TMTC1: variants seen among roughly 807,000 people sequenced by gnomAD.
TMTC1 encodes the protein protein O-mannosyl-transferase TMTC1.
TMTC1 carries 73 observed loss-of-function variants against 104.8 expected under a neutral mutation model. The observed-to-expected ratio is 0.70, with a 90% CI of 0.58 to 0.85. The LOEUF (loss-of-function observed/expected upper bound fraction) is 0.85. TMTC1 is among the 40% of genes least tolerant of loss of function. The pLI is 0.00. For missense variants in TMTC1, 1,035 were observed against 1,096.1 expected (o/e 0.94, Z 0.79); for synonymous variants, 434 against 428.7 (o/e 1.01, Z -0.15).
intron 11 of TMTC1, among the ~76,000 whole-genome samples, chr12:29,528,448 T>G (rs1043661428): frequency 1.3e-5 from 2 of 152,136 alleles, no homozygotes; most frequent in African/African-American, 4.8e-5. Flanking sequence ...CTCCAAGACT[T>G]AAAGCATTTT....
At position 29,742,290 on chromosome 12, in the gene TMTC1, T is replaced by C. The variant is rs186656840; in HGVS notation, c.938+9376A>G. ...TATTTATTTATTTTTCCAAATTATA[T>C]ATATTAATTGCCTTCAGCTCTTAAA... On this transcript the variant is annotated intron_variant, in intron 5 of 17. Coordinates refer to ENST00000539277, the MANE Select transcript of TMTC1 (RefSeq NM_001193451.2). Among the ~76,000 whole-genome samples the C allele has an allele frequency of 8.5e-5, 13 of 152,286 alleles. No individual in the cohort carries two copies. In the East Asian group the frequency reaches 2.5e-3, roughly 29 times the overall value.
Position 29,502,239 on chromosome 12 carries a change from A to T in TMTC1, c.*4607T>A, listed in dbSNP as rs1447965696. 1.3e-5 allele frequency: 2 copies of T among 152,146 alleles called. No individual in the cohort carries two copies. The highest frequency in any genetic ancestry group is 4.8e-5 in the African/African-American group (2 of 41,438). 9.4% of individuals were successfully genotyped at this position (152,146 alleles called of 1,614,324 possible). On this transcript the variant is annotated 3_prime_UTR_variant, in exon 18 of 18. Coordinates refer to ENST00000539277, the MANE Select transcript of TMTC1 (RefSeq NM_001193451.2). Reference sequence around the variant, plus strand: ...TTGGAAACCAGGAACAAAAATTTTTAAAAAATCACCTCTCACTATATTTGT... The same window carrying T: ...TTGGAAACCAGGAACAAAAATTTTTTAAAAATCACCTCTCACTATATTTGT...
intron 5 of TMTC1, among the ~76,000 whole-genome samples, chr12:29,721,020 T>A (rs1457550454): frequency 6.6e-6 from 1 of 152,066 alleles, no homozygotes; most frequent in Non-Finnish European, 1.5e-5. Context: ...AAAAAATAAC[T>A]GTCAAATCAG....
At chr12:29,626,957 C>A (rs1938027948) in intron 6 of TMTC1, among the ~76,000 whole-genome samples, 1 of 152,000 alleles carries the variant, frequency 6.6e-6, no homozygotes, top group Non-Finnish European at 1.5e-5. Flanking sequence ...AAAAAATTAG[C>A]TGGGCGTGGT....
chr12:29,607,071 T>A (rs1243712970), intron 6 of TMTC1, among the ~76,000 whole-genome samples: 1 of 152,078 alleles, frequency 6.6e-6, no homozygotes, highest in Non-Finnish European at 1.5e-5. Context: ...CAAGGAGCGA[T>A]CAGCCTCCCC....
chr12:29,658,197 T>G (rs981300412), intron 5 of TMTC1, among the ~76,000 whole-genome samples: 3 of 152,116 alleles, frequency 2.0e-5, no homozygotes, highest in Non-Finnish European at 4.4e-5. Flanking sequence ...AGATCAAGAT[T>G]TAAAATTTAT....
chr12:29,661,053 C>T (rs1939998369), intron 5 of TMTC1, among the ~76,000 whole-genome samples: 2 of 152,088 alleles, frequency 1.3e-5, no homozygotes, highest in South Asian at 4.1e-4. Context: ...TCTGCTGCTG[C>T]TGAGAGCCCA....
At chr12:29,665,632 G>C (rs1426046960) in intron 5 of TMTC1, among the ~76,000 whole-genome samples, 1 of 152,150 alleles carries the variant, frequency 6.6e-6, no homozygotes, top group African/African-American at 2.4e-5. Flanking sequence ...ATAAATAATT[G>C]ATCATATGAC....
At chr12:29,777,000 TC>T in intron 1 of TMTC1, among the ~76,000 whole-genome samples, 1 of 152,280 alleles carries the variant, frequency 6.6e-6, no homozygotes, top group African/African-American at 2.4e-5. Flanking sequence ...AGGGGTCAGA[TC>T]AAACAGGACT....
chr12:29,547,860 G>T (rs11829994), intron 10 of TMTC1, among the ~76,000 whole-genome samples: 18,330 of 152,220 alleles, frequency 0.12, 1,382 homozygotes, highest in African/African-American at 0.21. Context: ...GTTGGATTTG[G>T]AAGAGCAAAA....
At chr12:29,676,390 T>C (rs769904647) in intron 5 of TMTC1, among the ~76,000 whole-genome samples, 1 of 152,256 alleles carries the variant, frequency 6.6e-6, no homozygotes. Flanking sequence ...TTCTGGGTCC[T>C]ATCACTATTA....
At position 29,751,867 on chromosome 12, in the gene TMTC1, T is replaced by C. The variant is rs1470442198; in HGVS notation, c.737A>G (p.Asn246Ser). The change falls in exon 5 of 18, where the codon AAT (asparagine) becomes AGT (serine). Residue 246 changes from asparagine to serine, a missense_variant. Asn to Ser is a conservative substitution (Grantham distance 46). Transcript: ENST00000539277. ...SLSNKQDKSS[N>S]GALCPRSPQQ... ...TGGGCTGCGTGGACAGAGGGCCCCA[T>C]TGCTCCTGTTGTGCATGGAATTGAG... 7.0e-6 allele frequency: 11 copies of C among 1,560,830 alleles called. No individual in the cohort carries two copies. The highest frequency in any genetic ancestry group is 8.7e-6 in the Non-Finnish European group (10 of 1,152,802).
At chr12:29,594,656 G>A (rs942338463) in intron 7 of TMTC1, among the ~76,000 whole-genome samples, 2 of 152,194 alleles carry the variant, frequency 1.3e-5, no homozygotes, top group African/African-American at 2.4e-5. Context: ...CAACAAAGGA[G>A]CTTGATGAAC....
intron 6 of TMTC1, among the ~76,000 whole-genome samples, chr12:29,611,017 G>A (rs926149528): frequency 5.9e-5 from 9 of 152,330 alleles, no homozygotes; most frequent in African/African-American, 1.7e-4. Flanking sequence ...TATACTTGAT[G>A]TCTTCCCTAA....
intron 5 of TMTC1, among the ~76,000 whole-genome samples, chr12:29,716,031 A>ATTT (rs1555191377): frequency 2.5e-3 from 333 of 135,492 alleles, no homozygotes; most frequent in Non-Finnish European, 2.9e-3. Context: ...TATTATTATT[A>ATTT]TTTTAGAAAC....
chr12:29,561,562 G>A (rs539865730), intron 9 of TMTC1, among the ~76,000 whole-genome samples: 10 of 152,260 alleles, frequency 6.6e-5, no homozygotes, highest in South Asian at 6.2e-4. Flanking sequence ...ATTTACATAC[G>A]TGCTTTCTGA....
chr12:29,704,292 G>A (rs1941681347), intron 5 of TMTC1, among the ~76,000 whole-genome samples: 1 of 152,208 alleles, frequency 6.6e-6, no homozygotes, highest in African/African-American at 2.4e-5. Context: ...GTTATTGCAA[G>A]TCCAGCTTTG....
intron 5 of TMTC1, among the ~76,000 whole-genome samples, chr12:29,689,548 C>T (rs1173668814): frequency 3.3e-5 from 5 of 152,300 alleles, no homozygotes; most frequent in South Asian, 2.1e-4. Context: ...CTCCCGACCT[C>T]GTGATCTGTC....
intron 5 of TMTC1, among the ~76,000 whole-genome samples, chr12:29,740,684 T>C (rs937130183): frequency 2.0e-5 from 3 of 152,206 alleles, no homozygotes; most frequent in African/African-American, 7.2e-5. Context: ...CTCTCTATGT[T>C]GCCAGGCCTT....
Sources: allele counts gnomAD v4.1 joint callset (sites outside exome capture counted in the v4.1 genomes callset), GRCh38; gene constraint gnomAD v4.1.1; transcripts MANE v1.5; gene names NCBI Gene and HGNC (gene_info 2026-07-23, HGNC 2026-07-21).